ERGIC1: variants seen among roughly 807,000 people sequenced by gnomAD.
The protein encoded by ERGIC1 is endoplasmic reticulum-Golgi intermediate compartment protein 1.
In ERGIC1, 19 loss-of-function variants were observed where a neutral mutation model predicts 38.3. The observed-to-expected ratio is 0.50, with a 90% CI of 0.35 to 0.73. The LOEUF (loss-of-function observed/expected upper bound fraction) is 0.73. Among genes scored for constraint, ERGIC1 ranks in the 30% least tolerant of loss-of-function variants. The pLI is 0.01. For synonymous variants in ERGIC1, 124 were observed against 157.6 expected (o/e 0.79, Z 1.60); for missense variants, 294 against 389.2 (o/e 0.76, Z 2.06).
chr5:172,883,651 C>T (rs1484969279), intron 1 of ERGIC1, among the ~76,000 whole-genome samples: 1 of 152,206 alleles, frequency 6.6e-6, no homozygotes, highest in Non-Finnish European at 1.5e-5. Flanking sequence ...GCCGATGTGT[C>T]TCCATGCTTC....
Position 172,871,273 on chromosome 5 carries a change from G to A in ERGIC1, c.21-17426G>A, listed in dbSNP as rs370390499. On this transcript the variant is annotated intron_variant, in intron 1 of 9. Transcript: ENST00000393784. ...ACCTCTGACCTCACTGGCCACTCCA[G>A]CTGTATCAGCCTCGCTGCTGTTCCA... 6.8e-4 allele frequency among the ~76,000 whole-genome samples: 103 copies of A among 152,304 alleles called. 2 individuals carry two copies. In the South Asian group the frequency reaches 0.021, roughly 31 times the overall value.
chr5:172,914,549 G>A (rs1029592893), intron 4 of ERGIC1, 165 bp from the exon 5 acceptor site: 2 of 1,150,544 alleles, frequency 1.7e-6, no homozygotes, highest in African/African-American at 1.5e-5. Flanking sequence ...CGGAGTCATT[G>A]TCCTGTCCCC....
At position 172,935,255 on chromosome 5, in the gene ERGIC1, C is replaced by T; in HGVS notation, c.710C>T (p.Pro237Leu). 6.2e-7 allele frequency: 1 copy of T among 1,614,172 alleles called. No homozygotes were observed. The highest frequency in any genetic ancestry group is 8.5e-7 in the Non-Finnish European group (1 of 1,180,042). The change falls in exon 9 of 10, where the codon CCC becomes CTC. Residue 237 changes from proline (P) to leucine (L), a missense_variant. Pro to Leu is a moderately conservative substitution (Grantham distance 98). Coordinates refer to ENST00000393784, the MANE Select transcript of ERGIC1 (RefSeq NM_001031711.3). ...ATCTGGTTCCGCTACGACCTCAGCC[C>T]CATCACGGTCAAGTACACAGAGAGA... ...PAIWFRYDLS[P>L]ITVKYTERRQ...
intron 5 of ERGIC1, among the ~76,000 whole-genome samples, chr5:172,921,275 A>G (rs539383899): frequency 2.6e-5 from 4 of 151,712 alleles, no homozygotes; most frequent in African/African-American, 9.7e-5. Context: ...CCGCTCTACT[A>G]TGGGTTATTG....
intron 2 of ERGIC1, among the ~76,000 whole-genome samples, chr5:172,891,277 A>ACC (rs1762551683): frequency 6.6e-6 from 1 of 152,110 alleles, no homozygotes; most frequent in African/African-American, 2.4e-5. Context: ...TTGGTAGTTT[A>ACC]TGAACCTGAT....
chr5:172,909,020 T>G (rs1333281189), intron 3 of ERGIC1, among the ~76,000 whole-genome samples: 1 of 152,122 alleles, frequency 6.6e-6, no homozygotes, highest in African/African-American at 2.4e-5. Flanking sequence ...GTGGGTGGTG[T>G]TATCCCCACT....
intron 1 of ERGIC1, among the ~76,000 whole-genome samples, chr5:172,871,740 G>A (rs1171114755): frequency 1.3e-5 from 2 of 152,210 alleles, no homozygotes; most frequent in Admixed American, 6.5e-5. Context: ...TGGTCTTTGG[G>A]GAACAAAGAA....
intron 5 of ERGIC1, chr5:172,916,631 G>A (rs1263559401): frequency 6.6e-6 from 1 of 152,272 alleles, no homozygotes; most frequent in Non-Finnish European, 1.5e-5. Flanking sequence ...AGTGCAGAGA[G>A]AAAGCACTTC....
chr5:172,871,951 C>G (rs1177569028), intron 1 of ERGIC1, among the ~76,000 whole-genome samples: 4 of 152,324 alleles, frequency 2.6e-5, no homozygotes, highest in East Asian at 1.9e-4. Context: ...CATTCTGACC[C>G]CTTTCCTAAA....
chr5:172,847,799 C>T (rs1761314989), intron 1 of ERGIC1, among the ~76,000 whole-genome samples: 1 of 152,232 alleles, frequency 6.6e-6, no homozygotes, highest in Non-Finnish European at 1.5e-5. Context: ...AGGCATGTGC[C>T]ACCACGCCCG....
chr5:172,860,883 T>C (rs1486732407), intron 1 of ERGIC1, among the ~76,000 whole-genome samples: 5 of 152,170 alleles, frequency 3.3e-5, no homozygotes, highest in Admixed American at 2.0e-4. Context: ...CCTGAGAACC[T>C]AGGCTGGGAC....
At chr5:172,945,961 G>A (rs764396722) in intron 9 of ERGIC1, among the ~76,000 whole-genome samples, 1 of 152,228 alleles carries the variant, frequency 6.6e-6, no homozygotes, top group Non-Finnish European at 1.5e-5. Flanking sequence ...AGGGGTTGCA[G>A]GCATGAGCCA....
At chr5:172,914,650 A>G (rs1456884598) in intron 4 of ERGIC1, 64 bp from the exon 5 acceptor site, 2 of 1,613,188 alleles carry the variant, frequency 1.2e-6, no homozygotes, top group Non-Finnish European at 1.7e-6. Context: ...CAGAGAGAAC[A>G]GGCTGGCCCC....
rs1760970455 is a variant in ERGIC1, at chr5:172,834,252, C to G, written c.-162C>G. 2.8e-6 allele frequency: 2 copies of G among 707,554 alleles called. No homozygotes were observed. Among genetic ancestry groups the G allele is most frequent in the South Asian group, 6.5e-5 (1 of 15,428 alleles). The allele number at this position is 707,554 out of a possible 1,614,324, so 43.8% of individuals were successfully genotyped here. A position where few individuals can be genotyped will look rare whatever the true frequency, so the allele number is the denominator to read the frequency against. ...GCCCAATGGGCTGCGCGGAGCGTCA[C>G]TTCCCGGCAGCGGGAGGCGAGTGGC... On this transcript the variant is annotated 5_prime_UTR_variant, in exon 1 of 10. Coordinates refer to ENST00000393784, the MANE Select transcript of ERGIC1 (RefSeq NM_001031711.3). The surrounding 1 kb of genome is among the most constrained non-coding windows in gnomAD (Gnocchi z 4.1).
intron 3 of ERGIC1, chr5:172,905,424 CTGGGGTTCT>C (rs753394932): frequency 1.7e-5 from 8 of 469,024 alleles, no homozygotes; most frequent in South Asian, 1.2e-4. Flanking sequence ...GTTCTTAGAC[CTGGGGTTCT>C]TGGCCTCACG....
At position 172,837,125 on chromosome 5, in the gene ERGIC1, C is replaced by T. The variant is rs186522527; in HGVS notation, c.20+2692C>T. Among the ~76,000 whole-genome samples the T allele has an allele frequency of 3.3e-5, 5 of 152,230 alleles. No individual in the cohort carries two copies. The highest frequency in any genetic ancestry group is 1.9e-4 in the East Asian group (1 of 5,182). On this transcript the variant is annotated intron_variant, in intron 1 of 9. Transcript: ENST00000393784. This position sits in a 1 kb window ranked among gnomAD's most constrained non-coding sequence, Gnocchi z 4.3. Reference sequence around the variant, plus strand: ...GTTCAAGGCCAGGGAGAAAACCAGCCGTCCTGCTCGTGTTCCCCTTCTTAA... The same window carrying T: ...GTTCAAGGCCAGGGAGAAAACCAGCTGTCCTGCTCGTGTTCCCCTTCTTAA...
At chr5:172,896,157 A>C (rs1418461764) in intron 2 of ERGIC1, among the ~76,000 whole-genome samples, 2 of 152,234 alleles carry the variant, frequency 1.3e-5, no homozygotes, top group East Asian at 3.9e-4. Flanking sequence ...AGCCCGGCCA[A>C]CATGGTGAAA....
In ERGIC1 at chr5:172,932,321, G is replaced by A. The variant is rs1763795396; in HGVS notation, c.542-115G>A. 4.1e-6 allele frequency: 4 copies of A among 976,912 alleles called. 1 individual carries two copies. In the African/African-American group the frequency reaches 4.8e-5, roughly 12 times the overall value. 60.5% of individuals were successfully genotyped at this position (976,912 alleles called of 1,614,324 possible). A position where few individuals can be genotyped will look rare whatever the true frequency, so the allele number is the denominator to read the frequency against. On this transcript the variant is annotated intron_variant, in intron 7 of 9. Coordinates refer to ENST00000393784, the MANE Select transcript of ERGIC1 (RefSeq NM_001031711.3). Reference sequence around the variant, plus strand: ...AGAGCAGTTGGTTGGTGGTAAAACTGGGGAATGAGCCCCCTGCCGTGCCCA... The same window carrying A: ...AGAGCAGTTGGTTGGTGGTAAAACTAGGGAATGAGCCCCCTGCCGTGCCCA...
At chr5:172,889,116 C>T (rs1295554892) in intron 2 of ERGIC1, among the ~76,000 whole-genome samples, 11 of 152,144 alleles carry the variant, frequency 7.2e-5, no homozygotes, top group Admixed American at 7.2e-4. Flanking sequence ...GAAACCCCGT[C>T]TCTATTAAAA....
Sources: gnomAD v4.1 joint callset for allele counts (sites outside exome capture counted in the v4.1 genomes callset) on GRCh38, gnomAD v4.1.1 for gene constraint, Gnocchi (gnomAD v3.1) non-coding constraint, MANE v1.5 for transcripts, NCBI Gene and HGNC (gene_info 2026-07-23, HGNC 2026-07-21) for gene names.